Variants in NIPBL observed in about 807,000 individuals in gnomAD.
NIPBL encodes the protein NIPBL cohesin loading factor.
NIPBL carries 19 observed loss-of-function variants against 321.8 expected under a neutral mutation model. The observed-to-expected ratio is 0.06, with a 90% CI of 0.04 to 0.09. The LOEUF (loss-of-function observed/expected upper bound fraction) is 0.09. NIPBL is among the 10% of genes least tolerant of loss of function. The probability of loss-of-function intolerance (pLI) is 1.00; values close to 1 mark genes in which losing one functional copy is unlikely to be tolerated. For missense variants in NIPBL, 2,210 were observed against 3,327.0 expected (o/e 0.66, Z 8.26); for synonymous variants, 1,106 against 1,114.1 (o/e 0.99, Z 0.14).
At position 37,064,781 on chromosome 5, in the gene NIPBL, G is replaced by C. The variant is rs1755222540; in HGVS notation, c.8304G>C (p.Glu2768Asp). 2 of 1,614,178 alleles carry C rather than the reference G, an allele frequency of 1.2e-6. No homozygotes were observed. The highest frequency in any genetic ancestry group is 1.7e-6 in the Non-Finnish European group (2 of 1,180,040). ...KLVPWVDTIK[E>D]SDIIYKKIAL... ...TGCCTTGGGTAGACACTATTAAAGA[G>C]TCAGACATTATTTACAAAAAAATTG... is the stretch of plus-strand genomic sequence containing the variant. The change falls in exon 47 of 47, where the codon GAG (glutamate) becomes GAC (aspartate). Residue 2768 changes from glutamate to aspartate, a missense_variant. By Grantham distance (45) the Glu-to-Asp change is conservative. Coordinates refer to ENST00000282516, the MANE Select transcript of NIPBL (RefSeq NM_133433.4).
At chr5:37,054,842 A>C (rs1186944651) in intron 42 of NIPBL, among the ~76,000 whole-genome samples, 1 of 152,184 alleles carries the variant, frequency 6.6e-6, no homozygotes, top group African/African-American at 2.4e-5. Flanking sequence ...GGAAATAATG[A>C]ATAGTTTGTT....
chr5:37,039,834 A>G (rs1752131430), intron 34 of NIPBL, among the ~76,000 whole-genome samples: 2 of 152,092 alleles, frequency 1.3e-5, no homozygotes, highest in Non-Finnish European at 2.9e-5. Context: ...ATACCTAAAA[A>G]CAACATGCAT....
intron 38 of NIPBL, 61 bp from the exon 39 acceptor site, chr5:37,048,441 A>G: frequency 9.6e-7 from 1 of 1,040,334 alleles, no homozygotes; most frequent in South Asian, 2.1e-5. Context: ...TAACATATTT[A>G]TTAAATGTTT....
intron 10 of NIPBL, among the ~76,000 whole-genome samples, chr5:36,986,914 T>A (rs1744876196): frequency 6.6e-6 from 1 of 152,194 alleles, no homozygotes; most frequent in African/African-American, 2.4e-5. Flanking sequence ...TTTGCATGGT[T>A]TCTGAATTCT....
intron 3 of NIPBL, 146 bp from the exon 4 acceptor site, chr5:36,957,958 G>A: frequency 1.4e-6 from 1 of 699,764 alleles, no homozygotes; most frequent in Non-Finnish European, 2.3e-6. Flanking sequence ...ACTCCAGCCT[G>A]GGGGACAAGA....
intron 1 of NIPBL, among the ~76,000 whole-genome samples, chr5:36,925,805 C>A (rs1045480674): frequency 2.6e-5 from 4 of 152,132 alleles, no homozygotes; most frequent in Admixed American, 1.3e-4. Context: ...ATTGTCTGTT[C>A]ATTTGCCTAT....
chr5:37,048,775 A>C (rs1332609198), intron 39 of NIPBL, 100 bp downstream of exon 39: 1 of 1,047,282 alleles, frequency 9.5e-7, no homozygotes, highest in Non-Finnish European at 1.4e-6. Flanking sequence ...TTGTTAGATG[A>C]AGAAATTCAG....
rs971792932 is a variant in NIPBL, at chr5:37,000,732, C to T, written c.3503-85C>T. ...CAGTGATTATCGTTTAAGTCTTTAA[C>T]GTTCAGGAAAAAAACTAGAAACAAA... On this transcript the variant is annotated intron_variant, in intron 12 of 46. Coordinates refer to ENST00000282516, the MANE Select transcript of NIPBL (RefSeq NM_133433.4). 5.3e-5 allele frequency: 71 copies of T among 1,348,892 alleles called. No homozygotes were observed. The African/African-American group carries it at 7.6e-4, about 14-fold the overall frequency. The allele number at this position is 1,348,892 out of a possible 1,614,324, so 83.6% of individuals were successfully genotyped here.
At chr5:37,063,698 A>G in intron 45 of NIPBL, 92 bp from the exon 46 acceptor site, 1 of 1,312,628 alleles carries the variant, frequency 7.6e-7, no homozygotes, top group South Asian at 1.3e-5. Context: ...TTTCACCCAC[A>G]CCAAACTACT....
In NIPBL at chr5:36,978,734, C is replaced by CAT. The variant is rs369710025; in HGVS notation, c.1495+2335_1495+2336dup. 4.8e-3 allele frequency among the ~76,000 whole-genome samples: 732 copies of CAT among 151,828 alleles called. 7 individuals are homozygous for CAT. The highest frequency in any genetic ancestry group is 0.017 in the African/African-American group (694 of 41,506). The stretch of plus-strand genomic sequence containing the variant: ...TTTATTGTTTGAGGTCTTACAGTTA[C>CAT]ATATTTAATTCATCTTGAGTTAATT... On this transcript the variant is annotated intron_variant, in intron 9 of 46. Transcript: ENST00000282516.
intron 42 of NIPBL, 106 bp downstream of exon 42, chr5:37,052,672 C>CTT: frequency 2.4e-6 from 2 of 833,038 alleles, no homozygotes; most frequent in South Asian, 3.2e-5. Context: ...ATGATAGTAA[C>CTT]TTCATTAAGT....
intron 21 of NIPBL, among the ~76,000 whole-genome samples, chr5:37,011,795 C>T (rs1369786608): frequency 2.0e-5 from 3 of 151,896 alleles, no homozygotes; most frequent in South Asian, 2.1e-4. Flanking sequence ...CACTCAACAT[C>T]GCTTTTAATA....
At chr5:36,965,591 A>T (rs1742116218) in intron 6 of NIPBL, among the ~76,000 whole-genome samples, 1 of 152,104 alleles carries the variant, frequency 6.6e-6, no homozygotes. Context: ...AATAACACAC[A>T]GTGTTTAATA....
chr5:36,960,342 T>A (rs1405103451), intron 4 of NIPBL, among the ~76,000 whole-genome samples: 1 of 151,096 alleles, frequency 6.6e-6, no homozygotes, highest in Non-Finnish European at 1.5e-5. Flanking sequence ...CCTGTCTCAT[T>A]GAGTGTTCAT....
intron 21 of NIPBL, among the ~76,000 whole-genome samples, chr5:37,012,129 C>G (rs1356091605): frequency 1.3e-5 from 2 of 149,096 alleles, no homozygotes. Context: ...ATATCTTAAT[C>G]TTTAAATTTC....
chr5:36,885,696 G>T, intron 1 of NIPBL: 1 of 583,596 alleles, frequency 1.7e-6, no homozygotes, highest in South Asian at 1.5e-5. Flanking sequence ...GATGGCTTTA[G>T]AGTCAAGTGT....
chr5:36,975,651 C>A, intron 8 of NIPBL, 125 bp from the exon 9 acceptor site: 1 of 937,902 alleles, frequency 1.1e-6, no homozygotes, highest in South Asian at 1.6e-5. Flanking sequence ...AAATAAGTAG[C>A]TTGGATTATA....
chr5:37,033,124 T>C (rs572130343), intron 32 of NIPBL, among the ~76,000 whole-genome samples: 11 of 152,252 alleles, frequency 7.2e-5, no homozygotes, highest in South Asian at 4.1e-4. Flanking sequence ...TGATTACTTA[T>C]AATAAACAAG....
chr5:36,885,416 C>A, intron 1 of NIPBL: 1 of 455,090 alleles, frequency 2.2e-6, no homozygotes, highest in South Asian at 1.7e-5. Context: ...GGCCCAGGGT[C>A]TGGCAGGAAT....
Sources: gnomAD v4.1 joint callset for allele counts (sites outside exome capture counted in the v4.1 genomes callset) on GRCh38, gnomAD v4.1.1 for gene constraint, MANE v1.5 for transcripts, NCBI Gene and HGNC (gene_info 2026-07-23, HGNC 2026-07-21) for gene names.